PCDH15: variants seen among roughly 807,000 people sequenced by gnomAD.
The protein encoded by PCDH15 is protocadherin-15.
A neutral mutation model predicts 178.5 loss-of-function variants in PCDH15; 129 were observed. The observed-to-expected ratio is 0.72, with a 90% CI of 0.63 to 0.84. The LOEUF is 0.84. Ranked by LOEUF, PCDH15 falls within the 40% of genes least tolerant of loss-of-function variation. The pLI, the probability that PCDH15 is intolerant of heterozygous loss-of-function variation, is 0.00. For synonymous variants in PCDH15, 800 were observed against 732.0 expected, an observed-to-expected ratio of 1.09 and a Z score of -1.50; for missense variants, 2,230 against 2,099.9, an observed-to-expected ratio of 1.06 and a Z score of -1.21.
intron 3 of PCDH15, among the ~76,000 whole-genome samples, chr10:54,829,537 T>C (rs1357076937): frequency 1.3e-5 from 2 of 152,030 alleles, no homozygotes; most frequent in Non-Finnish European, 2.9e-5. Context: ...TCAAAAAAGT[T>C]AAATAACTTG....
chr10:54,339,583 G>C (rs549393697), intron 6 of PCDH15, among the ~76,000 whole-genome samples: 1 of 152,142 alleles, frequency 6.6e-6, no homozygotes, highest in Non-Finnish European at 1.5e-5. Context: ...AAAGAAGAAT[G>C]CTTCTTCTTC....
At chr10:55,476,075 C>T (rs1840056942) in intron 2 of PCDH15, among the ~76,000 whole-genome samples, 2 of 152,046 alleles carry the variant, frequency 1.3e-5, no homozygotes, top group African/African-American at 2.4e-5. Flanking sequence ...TCCATGAGGA[C>T]AAGAACTTTG....
At chr10:54,735,459 G>A (rs1399131087) in intron 1 of PCDH15, among the ~76,000 whole-genome samples, 3 of 151,196 alleles carry the variant, frequency 2.0e-5, no homozygotes, top group Non-Finnish European at 4.4e-5. Context: ...TCAGTGTGGC[G>A]ATTCCTCAGG....
At chr10:54,966,818 G>A (rs944673428) in intron 2 of PCDH15, among the ~76,000 whole-genome samples, 2 of 152,046 alleles carry the variant, frequency 1.3e-5, no homozygotes, top group African/African-American at 4.8e-5. Context: ...TCCCAGCCAC[G>A]TGGAACTGTG....
chr10:55,266,211 T>C (rs545842275), intron 1 of PCDH15, among the ~76,000 whole-genome samples: 2,580 of 150,850 alleles, frequency 0.017, 62 homozygotes, highest in African/African-American at 0.06. Flanking sequence ...TTTTTTTTTT[T>C]CTTCTCATGC....
chr10:54,756,527 C>T (rs1947148290), intron 1 of PCDH15, among the ~76,000 whole-genome samples: 1 of 152,126 alleles, frequency 6.6e-6, no homozygotes, highest in South Asian at 2.1e-4. Flanking sequence ...AAAATCTGTA[C>T]CCTAATGAGT....
rs73261668 is a variant in PCDH15 at position 55,470,796 on chromosome 10, C to G, written c.-156+156829G>C. Among the ~76,000 whole-genome samples, 991 of 152,058 alleles carry G rather than the reference C, an allele frequency of 6.5e-3. 16 individuals carry two copies. The highest frequency in any genetic ancestry group is 0.023 in the African/African-American group (938 of 41,484). ...AAGTTGTTTTCACTGTCCTAAAAAC[C>G]CTCTGTGCTGCACCAGCTCATCCCT... On this transcript the variant is annotated intron_variant, in intron 2 of 5. Coordinates refer to the PCDH15 transcript ENST00000613346.
At chr10:54,606,215 G>A (rs555191448) in intron 2 of PCDH15, 1 of 152,210 alleles carries the variant, frequency 6.6e-6, no homozygotes, top group African/African-American at 2.4e-5. Flanking sequence ...GAGGTGAAGT[G>A]GAGGAGATAT....
At chr10:55,380,092 C>A (rs1837496281) in intron 2 of PCDH15, among the ~76,000 whole-genome samples, 1 of 151,870 alleles carries the variant, frequency 6.6e-6, no homozygotes, top group African/African-American at 2.4e-5. Flanking sequence ...GTGATCAGAG[C>A]CAGAACTCAC....
intron 3 of PCDH15, among the ~76,000 whole-genome samples, chr10:54,435,420 T>A (rs1202975831): frequency 6.6e-6 from 1 of 152,220 alleles, no homozygotes; most frequent in Admixed American, 6.5e-5. Flanking sequence ...TGCTGGGGCC[T>A]TCTCAATATT....
At chr10:53,951,959 AGTG>A (rs2087101788) in intron 23 of PCDH15, among the ~76,000 whole-genome samples, 1 of 152,214 alleles carries the variant, frequency 6.6e-6, no homozygotes, top group Non-Finnish European at 1.5e-5. Flanking sequence ...CATACAAGCC[AGTG>A]GCTGGATCTG....
intron 18 of PCDH15, among the ~76,000 whole-genome samples, chr10:54,064,178 T>C (rs1357555955): frequency 6.6e-6 from 1 of 152,074 alleles, no homozygotes; most frequent in African/African-American, 2.4e-5. Context: ...AGTGTCCAGC[T>C]CTCAGCAGAG....
intron 25 of PCDH15, among the ~76,000 whole-genome samples, chr10:53,917,894 A>G (rs1589413422): frequency 6.6e-6 from 1 of 151,930 alleles, no homozygotes; most frequent in African/African-American, 2.4e-5. Context: ...TAGATATTGA[A>G]AAGTGTGTGG....
At chr10:55,438,376 T>C (rs1839097943) in intron 2 of PCDH15, among the ~76,000 whole-genome samples, 1 of 152,142 alleles carries the variant, frequency 6.6e-6, no homozygotes, top group African/African-American at 2.4e-5. Context: ...AAAGTTTCAA[T>C]CAGTAGGAAA....
At chr10:54,253,168 A>G (rs1374379869) in intron 8 of PCDH15, among the ~76,000 whole-genome samples, 1 of 152,102 alleles carries the variant, frequency 6.6e-6, no homozygotes, top group Non-Finnish European at 1.5e-5. Flanking sequence ...ACAATTCAGA[A>G]CTGGAGAAAA....
intron 26 of PCDH15, among the ~76,000 whole-genome samples, chr10:53,879,922 T>C (rs4935475): frequency 0.73 from 111,557 of 152,156 alleles, 41,334 homozygotes; most frequent in East Asian, 0.87. Flanking sequence ...AAAGTGCTGG[T>C]ATCACAGGCT....
chr10:54,370,389 G>C (rs556977074), intron 4 of PCDH15, among the ~76,000 whole-genome samples: 2 of 151,588 alleles, frequency 1.3e-5, no homozygotes, highest in South Asian at 4.2e-4. Flanking sequence ...CGAAAATTTG[G>C]CTCGTTGTAT....
chr10:55,586,290 T>G (rs1383544685), intron 2 of PCDH15, among the ~76,000 whole-genome samples: 2 of 151,872 alleles, frequency 1.3e-5, no homozygotes, highest in African/African-American at 4.8e-5. Flanking sequence ...AAATATTATT[T>G]CAAATAATAA....
At chr10:54,658,451 C>G (rs1219049358) in intron 2 of PCDH15, among the ~76,000 whole-genome samples, 1 of 152,036 alleles carries the variant, frequency 6.6e-6, no homozygotes, top group Non-Finnish European at 1.5e-5. Context: ...ACCTTACAAG[C>G]CAGAAGGAAT....
Sources: gnomAD v4.1 joint callset for allele counts (sites outside exome capture counted in the v4.1 genomes callset) on GRCh38, gnomAD v4.1.1 for gene constraint, MANE v1.5 for transcripts, NCBI Gene and HGNC (gene_info 2026-07-23, HGNC 2026-07-21) for gene names.